Variants in SEMA5A observed in about 807,000 individuals in gnomAD.
The protein encoded by SEMA5A is semaphorin 5A, also known as semaphorin-5A.
A neutral mutation model predicts 135.5 loss-of-function variants in SEMA5A; 55 were observed. The observed-to-expected ratio is 0.41, with a 90% CI of 0.33 to 0.51. The LOEUF (loss-of-function observed/expected upper bound fraction) is 0.51. Among genes scored for constraint, SEMA5A ranks in the 20% least tolerant of loss-of-function variants. The pLI, the probability that SEMA5A is intolerant of heterozygous loss-of-function variation, is 0.37. For synonymous variants in SEMA5A, 580 were observed against 546.5 expected, an observed-to-expected ratio of 1.06 and a Z score of -0.85; for missense variants, 1,290 against 1,419.9, an observed-to-expected ratio of 0.91 and a Z score of 1.47.
At chr5:9,522,542 A>C (rs1736895749) in intron 1 of SEMA5A, among the ~76,000 whole-genome samples, 1 of 152,180 alleles carries the variant, frequency 6.6e-6, no homozygotes, top group South Asian at 2.1e-4. Flanking sequence ...GCGCCATTGC[A>C]CTCCAGCCTG....
At chr5:9,085,200 T>C (rs1738611876) in intron 16 of SEMA5A, among the ~76,000 whole-genome samples, 2 of 152,164 alleles carry the variant, frequency 1.3e-5, no homozygotes, top group South Asian at 2.1e-4. Flanking sequence ...GACAATGGGA[T>C]AGAAAAGAAA....
rs115339311 is a variant in SEMA5A at position 9,368,894 on chromosome 5, A to T, written c.124+10929T>A. Among the ~76,000 whole-genome samples, 595 of 152,314 alleles carry T rather than the reference A, an allele frequency of 3.9e-3. 4 individuals are homozygous for T. Among genetic ancestry groups the T allele is most frequent in the South Asian group, 0.024 (115 of 4,826 alleles). ...TGTAGACATTATTCAATATTATGTT[A>T]CTGTTGGGAAAATACCTAGGAGTGA... On this transcript the variant is annotated intron_variant, in intron 3 of 22. Coordinates refer to ENST00000382496, the MANE Select transcript of SEMA5A (RefSeq NM_003966.3).
intron 5 of SEMA5A, among the ~76,000 whole-genome samples, chr5:9,253,182 A>T (rs1202478655): frequency 6.6e-6 from 1 of 152,182 alleles, no homozygotes; most frequent in Non-Finnish European, 1.5e-5. Context: ...TGTCTGAAAC[A>T]AGTAATGCTA....
rs1343188077 is a variant in SEMA5A at position 9,154,636 on chromosome 5, G to A, written c.1333C>T (p.Leu445=). 6.2e-7 allele frequency: 1 copy of A among 1,613,982 alleles called. No homozygotes were observed. The highest frequency in any genetic ancestry group is 1.3e-5 in the African/African-American group (1 of 74,906). Residue 445 remains leucine (L), a synonymous_variant, in exon 12 of 23, where the codon CTG becomes TTG. Coordinates refer to ENST00000382496, the MANE Select transcript of SEMA5A (RefSeq NM_003966.3). ...PLNQTSSSCL[L]EEIELFPERR... is the part of the protein sequence containing the mutation. ...TCAGGGAAGAGCTCAATCTCTTCCA[G>A]CAAACAGCTGCTTGAGGTCTGATTC...
chr5:9,168,190 C>A (rs114679767), intron 11 of SEMA5A, among the ~76,000 whole-genome samples: 1 of 152,192 alleles, frequency 6.6e-6, no homozygotes, highest in Non-Finnish European at 1.5e-5. Flanking sequence ...GGTTCCCAAG[C>A]TTTATGACTA....
intron 6 of SEMA5A, among the ~76,000 whole-genome samples, chr5:9,235,645 A>T (rs1747866965): frequency 6.6e-6 from 1 of 151,708 alleles, no homozygotes; most frequent in African/African-American, 2.4e-5. Flanking sequence ...TATCAGCTAA[A>T]CATTTTCAGA....
intron 1 of SEMA5A, among the ~76,000 whole-genome samples, chr5:9,480,352 T>C (rs1400476822): frequency 6.6e-6 from 1 of 152,132 alleles, no homozygotes; most frequent in African/African-American, 2.4e-5. Flanking sequence ...TAACTTAGCA[T>C]AGCAAGTCCT....
At chr5:9,253,129 T>G (rs1748887478) in intron 5 of SEMA5A, among the ~76,000 whole-genome samples, 1 of 152,164 alleles carries the variant, frequency 6.6e-6, no homozygotes, top group African/African-American at 2.4e-5. Flanking sequence ...CATTTTAAAT[T>G]TAGTGCTTTC....
At chr5:9,207,180 T>G (rs1165075678) in intron 8 of SEMA5A, among the ~76,000 whole-genome samples, 2 of 145,640 alleles carry the variant, frequency 1.4e-5, no homozygotes, top group Non-Finnish European at 3.0e-5. Context: ...TAAGTCATAC[T>G]GAGTTTTGTT....
intron 3 of SEMA5A, among the ~76,000 whole-genome samples, chr5:9,370,041 C>A (rs887898725): frequency 6.6e-6 from 1 of 152,134 alleles, no homozygotes; most frequent in Non-Finnish European, 1.5e-5. Flanking sequence ...CCTGGGGTAA[C>A]CCTAGTAACT....
At position 9,221,122 on chromosome 5, in the gene SEMA5A, G is replaced by T. The variant is rs371027140; in HGVS notation, c.646+3552C>A. On this transcript the variant is annotated intron_variant, in intron 8 of 22. Coordinates refer to ENST00000382496, the MANE Select transcript of SEMA5A (RefSeq NM_003966.3). ...AAGTCCAACTCTCAAATTTTATTTT[G>T]CTCACTTGGTTGAAAACTCAAGAGA... Among the ~76,000 whole-genome samples, 9 of 152,194 alleles carry T rather than the reference G, an allele frequency of 5.9e-5. No homozygotes were observed. The East Asian group carries it at 1.7e-3, about 29-fold the overall frequency.
At chr5:9,064,685 C>G (rs953832277) in intron 17 of SEMA5A, among the ~76,000 whole-genome samples, 2 of 152,094 alleles carry the variant, frequency 1.3e-5, no homozygotes, top group Non-Finnish European at 1.5e-5. Flanking sequence ...CATGATTACA[C>G]CACTGTACTC....
chr5:9,187,693 T>C (rs1438780864), intron 11 of SEMA5A, among the ~76,000 whole-genome samples: 3 of 152,216 alleles, frequency 2.0e-5, no homozygotes, highest in Non-Finnish European at 1.5e-5. Flanking sequence ...ATTGAATTTG[T>C]ACACAGGCAG....
chr5:9,500,170 T>C (rs1317008601), intron 1 of SEMA5A, among the ~76,000 whole-genome samples: 1 of 152,240 alleles, frequency 6.6e-6, no homozygotes, highest in Non-Finnish European at 1.5e-5. Flanking sequence ...TGTAAATTAC[T>C]AAGTCAATTT....
In SEMA5A at chr5:9,202,135, G is replaced by A. The variant is rs1176144210; in HGVS notation, c.752C>T (p.Ala251Val). 1.9e-6 allele frequency: 3 copies of A among 1,614,022 alleles called. No individual in the cohort carries two copies. Among genetic ancestry groups the A allele is most frequent in the Admixed American group, 1.7e-5 (1 of 60,000 alleles). The change falls in exon 9 of 23, where the codon GCC (alanine) becomes GTC (valine). Residue 251 changes from alanine to valine, a missense_variant. Physicochemically the swap from Ala to Val is moderately conservative, Grantham distance 64 (BLOSUM62 0). Coordinates refer to ENST00000382496, the MANE Select transcript of SEMA5A (RefSeq NM_003966.3). ...DCGKTVFSRA[A>V]RVCKNDIGGR... is the part of the protein sequence containing the mutation. ...ACCAATATCGTTCTTGCACACCCGG[G>A]CAGCTCTGGAGAACACTGTTTTCCC...
At chr5:9,152,029 T>C (rs1742659443) in intron 12 of SEMA5A, among the ~76,000 whole-genome samples, 1 of 152,204 alleles carries the variant, frequency 6.6e-6, no homozygotes, top group South Asian at 2.1e-4. Flanking sequence ...ACACTGTGCC[T>C]CTCATCACTG....
At chr5:9,372,000 C>A (rs1436976121) in intron 3 of SEMA5A, among the ~76,000 whole-genome samples, 1 of 152,170 alleles carries the variant, frequency 6.6e-6, no homozygotes, top group Non-Finnish European at 1.5e-5. Context: ...AATAAATGTT[C>A]TTAATTCCTC....
chr5:9,040,778 C>A lies in SEMA5A; in HGVS notation c.*2119G>T, dbSNP rs1227094505. ...TTCCCATCAATTCCAGTGAAACATT[C>A]TTGAAATATTAGAATCCTCTTTACC... On this transcript the variant is annotated 3_prime_UTR_variant, in exon 23 of 23. Transcript: ENST00000382496. The A allele has an allele frequency of 1.3e-5, 2 of 152,188 alleles. No individual in the cohort carries two copies. Among genetic ancestry groups the A allele is most frequent in the African/African-American group, 4.8e-5 (2 of 41,460 alleles). 9.4% of individuals were successfully genotyped at this position (152,188 alleles called of 1,614,324 possible).
chr5:9,199,413 C>T (rs1341714617), intron 9 of SEMA5A, among the ~76,000 whole-genome samples: 1 of 151,984 alleles, frequency 6.6e-6, no homozygotes, highest in Admixed American at 6.5e-5. Context: ...GTGCTCCTCC[C>T]TCTGCCCTCC....
Sources: gnomAD v4.1 joint callset for allele counts (sites outside exome capture counted in the v4.1 genomes callset) on GRCh38, gnomAD v4.1.1 for gene constraint, MANE v1.5 for transcripts, NCBI Gene and HGNC (gene_info 2026-07-23, HGNC 2026-07-21) for gene names.